The following PPTC7 variants were observed in gnomAD, a reference collection of about 807,000 sequenced individuals.
PPTC7 encodes protein phosphatase targeting COQ7.
PPTC7 carries 6 observed loss-of-function variants against 30.8 expected under a neutral mutation model. The ratio of observed to expected loss-of-function variants is 0.19; its 90% confidence interval spans 0.11 to 0.38. The LOEUF (loss-of-function observed/expected upper bound fraction) is 0.38, where lower values mean the gene tolerates loss of function less well. Ranked by LOEUF, PPTC7 falls within the 10% of genes least tolerant of loss-of-function variation. PPTC7 has a pLI of 1.00. For synonymous variants in PPTC7, 163 were observed against 168.1 expected, an observed-to-expected ratio of 0.97 and a Z score of 0.23; for missense variants, 218 against 404.8, an observed-to-expected ratio of 0.54 and a Z score of 3.96.
chr12:110,567,039 GAGGA>G (rs756805119), intron 1 of PPTC7, among the ~76,000 whole-genome samples: 2 of 152,144 alleles, frequency 1.3e-5, no homozygotes, highest in African/African-American at 2.4e-5. Flanking sequence ...CTAAAACTAT[GAGGA>G]ATACATACAT....
intron 1 of PPTC7, among the ~76,000 whole-genome samples, chr12:110,580,018 C>G (rs143527155): frequency 2.4e-4 from 36 of 151,170 alleles, no homozygotes; most frequent in Non-Finnish European, 1.2e-4. Flanking sequence ...CATACCCGCA[C>G]CCCCCACCCA....
At chr12:110,538,107 C>T (rs1354755236) in intron 5 of PPTC7, 37 bp downstream of exon 5, 1 of 1,605,858 alleles carries the variant, frequency 6.2e-7, no homozygotes, top group Non-Finnish European at 8.5e-7. Flanking sequence ...CACCATGTCC[C>T]CAGTCAGTCC....
intron 1 of PPTC7, among the ~76,000 whole-genome samples, chr12:110,572,611 T>C (rs2064547388): frequency 6.6e-6 from 1 of 152,210 alleles, no homozygotes; most frequent in African/African-American, 2.4e-5. Flanking sequence ...AAAGCACTCT[T>C]TGTAGAAAGT....
intron 1 of PPTC7, among the ~76,000 whole-genome samples, chr12:110,581,643 GAAC>G (rs1370791929): frequency 1.3e-5 from 2 of 152,154 alleles, no homozygotes; most frequent in African/African-American, 4.8e-5. Flanking sequence ...ATTAAACTGA[GAAC>G]AACCTTTCCA....
chr12:110,543,435 GAA>G (rs797006893), intron 3 of PPTC7, among the ~76,000 whole-genome samples: 7 of 140,092 alleles, frequency 5.0e-5, no homozygotes, highest in Admixed American at 7.1e-5. Context: ...CATGCAGCAT[GAA>G]AAAAAAAAAA....
chr12:110,549,154 CTT>C (rs1378267677), intron 2 of PPTC7, among the ~76,000 whole-genome samples: 2 of 152,150 alleles, frequency 1.3e-5, no homozygotes, highest in African/African-American at 4.8e-5. Flanking sequence ...AAAGGGATAA[CTT>C]TATTAGGACC....
chr12:110,568,718 T>C (rs1485815564), intron 1 of PPTC7, among the ~76,000 whole-genome samples: 10 of 152,200 alleles, frequency 6.6e-5, no homozygotes, highest in Admixed American at 3.9e-4. Flanking sequence ...ACTGAAAAGT[T>C]AGAACACCAA....
At chr12:110,541,384 A>G (rs1488007378) in intron 3 of PPTC7, among the ~76,000 whole-genome samples, 4 of 151,438 alleles carry the variant, frequency 2.6e-5, no homozygotes, top group Admixed American at 2.0e-4. Context: ...GTGAGACTCC[A>G]TCTCAAAGAA....
intron 3 of PPTC7, among the ~76,000 whole-genome samples, chr12:110,540,982 G>A (rs1419307901): frequency 6.6e-6 from 1 of 150,520 alleles, no homozygotes; most frequent in Non-Finnish European, 1.5e-5. Context: ...TCACCATGTT[G>A]GCCAGGATGG....
At position 110,542,569 on chromosome 12, in the gene PPTC7, G is replaced by A. The variant is rs1254892794; in HGVS notation, c.603-2624C>T. 2.0e-5 allele frequency among the ~76,000 whole-genome samples: 3 copies of A among 150,840 alleles called. No homozygotes were observed. In the East Asian group the frequency reaches 5.9e-4, roughly 29 times the overall value. On this transcript the variant is annotated intron_variant, in intron 3 of 5. Transcript: ENST00000354300. ...ACCTGTAATTCCAGCTACTCGGGAG[G>A]CTGAAGCAGGAGAATTGCTAGAGCC...
intron 1 of PPTC7, among the ~76,000 whole-genome samples, chr12:110,568,219 T>C (rs1022032960): frequency 4.0e-5 from 6 of 151,714 alleles, no homozygotes; most frequent in Non-Finnish European, 8.8e-5. Flanking sequence ...ACCCTTCTCT[T>C]AAGGCCTGAC....
intron 1 of PPTC7, among the ~76,000 whole-genome samples, chr12:110,554,570 G>C (rs572753109): frequency 2.6e-5 from 4 of 152,176 alleles, no homozygotes; most frequent in Non-Finnish European, 5.9e-5. Flanking sequence ...CTAGTATAGA[G>C]ATTTTCGTAG....
chr12:110,582,209 G>A (rs553596802), intron 1 of PPTC7, among the ~76,000 whole-genome samples: 15 of 152,346 alleles, frequency 9.8e-5, no homozygotes, highest in African/African-American at 3.6e-4. Context: ...AAGTGGACAA[G>A]ATCAATTTGG....
intron 2 of PPTC7, among the ~76,000 whole-genome samples, chr12:110,549,853 GTC>G (rs1207919429): frequency 6.6e-6 from 1 of 152,150 alleles, no homozygotes; most frequent in Non-Finnish European, 1.5e-5. Flanking sequence ...GCAGGAGGCA[GTC>G]CCCTGGAATC....
At chr12:110,576,376 G>A (rs1315986100) in intron 1 of PPTC7, among the ~76,000 whole-genome samples, 1 of 151,928 alleles carries the variant, frequency 6.6e-6, no homozygotes, top group African/African-American at 2.4e-5. Flanking sequence ...CTACTCCTAG[G>A]TATATATCCC....
At chr12:110,576,731 G>A (rs1355182300) in intron 1 of PPTC7, among the ~76,000 whole-genome samples, 1 of 151,950 alleles carries the variant, frequency 6.6e-6, no homozygotes, top group Admixed American at 6.6e-5. Context: ...TGGATAGGGG[G>A]TTTCTTGGGG....
intron 3 of PPTC7, among the ~76,000 whole-genome samples, chr12:110,540,762 G>A (rs2064252720): frequency 6.6e-6 from 1 of 151,288 alleles, no homozygotes; most frequent in Non-Finnish European, 1.5e-5. Context: ...AATACCTGTG[G>A]AGAACAACAT....
intron 2 of PPTC7, among the ~76,000 whole-genome samples, chr12:110,549,281 C>T (rs890377811): frequency 2.6e-5 from 4 of 152,042 alleles, no homozygotes; most frequent in Admixed American, 1.3e-4. Flanking sequence ...TAGACCCAAA[C>T]GCAGCTAGAA....
chr12:110,535,375 T>C lies in PPTC7; in HGVS notation c.*1662A>G, dbSNP rs2064211286. 6.6e-6 allele frequency: 1 copy of C among 152,600 alleles called. No individual in the cohort carries two copies. Among genetic ancestry groups the C allele is most frequent in the Non-Finnish European group, 1.5e-5 (1 of 68,030 alleles). 9.5% of individuals were successfully genotyped at this position (152,600 alleles called of 1,614,324 possible). On this transcript the variant is annotated 3_prime_UTR_variant, in exon 6 of 6. Transcript: ENST00000354300. ...ATGAATAACTCATTCTTATTATAAA[T>C]GAAATGCCTGTTACAAGCATGATGC...
Sources: gnomAD v4.1 joint callset for allele counts (sites outside exome capture counted in the v4.1 genomes callset) on GRCh38, gnomAD v4.1.1 for gene constraint, MANE v1.5 for transcripts, NCBI Gene and HGNC (gene_info 2026-07-23, HGNC 2026-07-21) for gene names.